The following GAS7 variants were observed in gnomAD, a reference collection of about 807,000 sequenced individuals.
GAS7 encodes growth arrest-specific protein 7.
GAS7 carries 28 observed loss-of-function variants against 71.1 expected under a neutral mutation model. That is an observed-to-expected ratio of 0.39 (90% CI 0.29 to 0.54). The LOEUF (loss-of-function observed/expected upper bound fraction) is 0.54. Ranked by LOEUF, GAS7 falls within the 20% of genes least tolerant of loss-of-function variation. The probability of loss-of-function intolerance (pLI) is 0.62; values close to 1 mark genes in which losing one functional copy is unlikely to be tolerated. For missense variants in GAS7, 436 were observed against 627.8 expected, an observed-to-expected ratio of 0.69 and a Z score of 3.27; for synonymous variants, 258 against 245.8, an observed-to-expected ratio of 1.05 and a Z score of -0.46.
Position 9,981,674 on chromosome 17 carries a change from C to T in GAS7, c.385+130G>A, listed in dbSNP as rs1260749414. ...GGCAGCAGGCCTAAGGGACCCTCTC[C>T]CAGGCCCAACCCCTCCCTGGGTTTG... On this transcript the variant is annotated intron_variant, in intron 3 of 13. Coordinates refer to ENST00000432992, the MANE Select transcript of GAS7 (RefSeq NM_201433.2). This position sits in a 1 kb window ranked among gnomAD's most constrained non-coding sequence, Gnocchi z 4.4. 8 of 666,560 alleles carry T rather than the reference C, an allele frequency of 1.2e-5. No individual in the cohort carries two copies. The Admixed American group carries it at 1.4e-4, about 12-fold the overall frequency. The allele number at this position is 666,560 out of a possible 1,614,324, so 41.3% of individuals were successfully genotyped here. A position where few individuals can be genotyped will look rare whatever the true frequency, so the allele number is the denominator to read the frequency against.
At position 10,166,302 on chromosome 17, in the gene GAS7, C is replaced by T. The variant is rs989781709; in HGVS notation, c.183+31906G>A. Among the ~76,000 whole-genome samples, 4 of 152,154 alleles carry T rather than the reference C, an allele frequency of 2.6e-5. No homozygotes were observed. In the South Asian group the frequency reaches 6.2e-4, roughly 24 times the overall value. ...CCTCCCAAAGTGGTGAGATTGCAGG[C>T]GTGAGTCACCACACCAGGTGACTTT... On this transcript the variant is annotated intron_variant, in intron 1 of 13. Transcript: ENST00000432992.
intron 1 of GAS7, among the ~76,000 whole-genome samples, chr17:10,172,975 T>C (rs147539768): frequency 1.3e-5 from 2 of 152,360 alleles, no homozygotes; most frequent in African/African-American, 2.4e-5. Context: ...GGTATATCCA[T>C]GCAATGGAGT....
rs935282179 is a variant in GAS7 at position 9,925,382 on chromosome 17, G to A, written c.1138+94C>T. On this transcript the variant is annotated intron_variant, in intron 11 of 13. Transcript: ENST00000432992. ...ATTTCCTCGCTGCAGTCTTGCAAAG[G>A]AGAGATGCACCCTCGCCAGTCACCT... 13 of 1,296,796 alleles carry A rather than the reference G, an allele frequency of 1.0e-5. No homozygotes were observed. In the Admixed American group the frequency reaches 1.9e-4, roughly 19 times the overall value. The allele number at this position is 1,296,796 out of a possible 1,614,324, so 80.3% of individuals were successfully genotyped here.
chr17:9,924,548 T>C (rs1298162215), intron 11 of GAS7: 1 of 132,770 alleles, frequency 7.5e-6, no homozygotes, highest in Non-Finnish European at 1.6e-5. Context: ...TCTCTACCAA[T>C]AAATATACTG....
rs1567781076 is a variant in GAS7 at position 9,926,851 on chromosome 17, C to A, written c.886-82G>T. 6.8e-7 allele frequency: 1 copy of A among 1,469,440 alleles called. No homozygotes were observed. Among genetic ancestry groups the A allele is most frequent in the Middle Eastern group, 1.7e-4 (1 of 5,754 alleles). The allele number at this position is 1,469,440 out of a possible 1,614,324, so 91.0% of individuals were successfully genotyped here. Reference sequence around the variant, plus strand: ...GCAGGGAGGAGGGATGGGAGGGGCACCCCCACTTCCCCAGGCAAGTGAGGA... The same window carrying A: ...GCAGGGAGGAGGGATGGGAGGGGCAACCCCACTTCCCCAGGCAAGTGAGGA... On this transcript the variant is annotated intron_variant, in intron 9 of 13. Transcript: ENST00000432992. The surrounding 1 kb of genome is among the most constrained non-coding windows in gnomAD (Gnocchi z 5.0).
chr17:10,170,672 G>A (rs961837365), intron 1 of GAS7, among the ~76,000 whole-genome samples: 1 of 152,166 alleles, frequency 6.6e-6, no homozygotes, highest in African/African-American at 2.4e-5. Flanking sequence ...TATAAAGTCA[G>A]GATGTCTGTG....
chr17:9,969,664 C>G lies in GAS7; in HGVS notation c.471+13G>C. 1.9e-6 allele frequency: 3 copies of G among 1,544,530 alleles called. No homozygotes were observed. The highest frequency in any genetic ancestry group is 2.7e-6 in the Non-Finnish European group (3 of 1,116,492). ...GCAGTGACCGCTATACCTCCCTCAA[C>G]AGGACCCCTTACCTGGGAATCACCG... is the stretch of plus-strand genomic sequence containing the variant. On this transcript the variant is annotated intron_variant, in intron 4 of 13. Transcript: ENST00000432992. This position sits in a 1 kb window ranked among gnomAD's most constrained non-coding sequence, Gnocchi z 5.5.
chr17:9,934,535 A>G (rs1016199201), intron 8 of GAS7, among the ~76,000 whole-genome samples: 5 of 152,042 alleles, frequency 3.3e-5, no homozygotes, highest in African/African-American at 1.2e-4. Context: ...CAGAGGCTCG[A>G]AAGGACCCAG....
intron 1 of GAS7, among the ~76,000 whole-genome samples, chr17:10,060,887 C>T (rs945360449): frequency 3.9e-5 from 6 of 152,144 alleles, no homozygotes; most frequent in South Asian, 2.1e-4. Flanking sequence ...GGACATTTGG[C>T]AAGCCTTGGA....
intron 8 of GAS7, among the ~76,000 whole-genome samples, chr17:9,937,228 T>G (rs1294727250): frequency 6.6e-6 from 1 of 152,248 alleles, no homozygotes; most frequent in Non-Finnish European, 1.5e-5. Flanking sequence ...GTTGTGTTTG[T>G]CTCTGTGTTT....
At chr17:10,012,325 T>C (rs567223797) in intron 2 of GAS7, among the ~76,000 whole-genome samples, 1 of 152,202 alleles carries the variant, frequency 6.6e-6, no homozygotes, top group African/African-American at 2.4e-5. Flanking sequence ...GCTTGCTCTG[T>C]CACCCAGGCT....
chr17:10,075,356 CAA>C (rs985932528), intron 1 of GAS7, among the ~76,000 whole-genome samples: 3 of 116,044 alleles, frequency 2.6e-5, no homozygotes. Context: ...CACTGTCTCA[CAA>C]AAAAAAAAAA....
intron 2 of GAS7, among the ~76,000 whole-genome samples, chr17:10,017,634 G>A (rs1221863960): frequency 1.3e-5 from 2 of 152,034 alleles, no homozygotes; most frequent in African/African-American, 2.4e-5. Context: ...TGGCCAGAAC[G>A]ATGATATTTT....
chr17:10,146,003 G>GA (rs781117295), intron 1 of GAS7, among the ~76,000 whole-genome samples: 2 of 152,284 alleles, frequency 1.3e-5, no homozygotes, highest in African/African-American at 4.8e-5. Context: ...CCTTGTCATG[G>GA]ATCAGGTCCT....
intron 1 of GAS7, among the ~76,000 whole-genome samples, chr17:10,189,405 C>A (rs551976910): frequency 1.3e-5 from 2 of 152,166 alleles, no homozygotes; most frequent in African/African-American, 4.8e-5. Flanking sequence ...CTTTCCAGAA[C>A]GCATCCGAAG....
At chr17:9,966,731 C>T (rs931151182) in intron 4 of GAS7, among the ~76,000 whole-genome samples, 15 of 152,098 alleles carry the variant, frequency 9.9e-5, no homozygotes, top group East Asian at 1.9e-4. Flanking sequence ...TGGTGGCCGG[C>T]GCCTGCAGTC....
chr17:9,936,784 T>A (rs1041475171), intron 8 of GAS7, among the ~76,000 whole-genome samples: 4 of 152,368 alleles, frequency 2.6e-5, no homozygotes, highest in South Asian at 4.1e-4. Context: ...AAATGCATGT[T>A]GTTTTCATGA....
intron 1 of GAS7, among the ~76,000 whole-genome samples, chr17:10,051,781 T>C (rs1057095026): frequency 2.0e-5 from 3 of 152,170 alleles, no homozygotes; most frequent in African/African-American, 7.2e-5. Flanking sequence ...GAAAATTTCG[T>C]ACCCCAGATC....
At chr17:9,950,065 C>T (rs929911158) in intron 5 of GAS7, among the ~76,000 whole-genome samples, 2 of 152,050 alleles carry the variant, frequency 1.3e-5, no homozygotes, top group African/African-American at 2.4e-5. Context: ...GATTTCACCA[C>T]GTTGGCCAGG....
Sources: gnomAD v4.1 joint callset for allele counts (sites outside exome capture counted in the v4.1 genomes callset) on GRCh38, gnomAD v4.1.1 for gene constraint, Gnocchi (gnomAD v3.1) non-coding constraint, MANE v1.5 for transcripts, NCBI Gene and HGNC (gene_info 2026-07-23, HGNC 2026-07-21) for gene names.